The following NDUFA13 variants were observed in gnomAD, a reference collection of about 807,000 sequenced individuals.
NDUFA13 encodes the protein NADH:ubiquinone oxidoreductase subunit A13.
NDUFA13 carries 16 observed loss-of-function variants against 17.0 expected under a neutral mutation model. That is an observed-to-expected ratio of 0.94 (90% CI 0.64 to 1.43). The LOEUF is 1.43. Ranked by LOEUF, NDUFA13 falls within the 40% of genes most tolerant of loss-of-function variation. The pLI is 0.00. For synonymous variants in NDUFA13, 87 were observed against 78.4 expected, an observed-to-expected ratio of 1.11 and a Z score of -0.58; for missense variants, 228 against 206.7, an observed-to-expected ratio of 1.10 and a Z score of -0.63.
chr19:19,516,627 A>G (rs1038539284), intron 1 of NDUFA13, among the ~76,000 whole-genome samples: 1 of 152,226 alleles, frequency 6.6e-6, no homozygotes, highest in Non-Finnish European at 1.5e-5. Flanking sequence ...TTGGATTTCT[A>G]AGATGGGGAA....
chr19:19,519,606 A>G (rs568807059), intron 1 of NDUFA13, among the ~76,000 whole-genome samples: 2 of 152,296 alleles, frequency 1.3e-5, no homozygotes, highest in South Asian at 4.1e-4. Context: ...CCTGTCCCCA[A>G]GCGCTCACAG....
rs546808333 is a variant in NDUFA13, at chr19:19,527,349, G to T, written c.242G>T (p.Arg81Leu). 1.2e-6 allele frequency: 2 copies of T among 1,613,694 alleles called. No homozygotes were observed. The highest frequency in any genetic ancestry group is 1.3e-5 in the African/African-American group (1 of 74,942). ...CCACTGTTACAGGCAGAAACCGACC[G>T]GAGGTAGCACCGCAGGGGCCAAGGT... is the stretch of plus-strand genomic sequence containing the variant. ...LLPLLQAETD[R>L]RTLQMLRENL... Residue 81 changes from arginine to leucine, a missense_variant, in exon 3 of 5, where the codon CGG becomes CTG. Coordinates refer to ENST00000507754, the MANE Select transcript of NDUFA13 (RefSeq NM_015965.7).
At position 19,519,782 on chromosome 19, in the gene NDUFA13, C is replaced by T. The variant is rs73532149; in HGVS notation, c.94+3450C>T. 7.0e-3 allele frequency among the ~76,000 whole-genome samples: 1,064 copies of T among 152,162 alleles called. 11 individuals are homozygous for T. Among genetic ancestry groups the T allele is most frequent in the African/African-American group, 0.024 (978 of 41,536 alleles). Reference sequence around the variant, plus strand: ...CAGGCCCTGCCTCCTCTCCCTCTGTCCTCCTCTCCTGCCTCTCCTGAGCCA... The same window carrying T: ...CAGGCCCTGCCTCCTCTCCCTCTGTTCTCCTCTCCTGCCTCTCCTGAGCCA... On this transcript the variant is annotated intron_variant, in intron 1 of 4. Transcript: ENST00000507754.
intron 1 of NDUFA13, among the ~76,000 whole-genome samples, chr19:19,517,476 T>G (rs950470676): frequency 2.0e-5 from 3 of 152,096 alleles, no homozygotes; most frequent in Non-Finnish European, 2.9e-5. Flanking sequence ...CTTCCCAAAG[T>G]GATGGGACTA....
rs45631653 is a variant in NDUFA13 at position 19,516,237 on chromosome 19, G to A, written c.-2G>A. 1.2e-6 allele frequency: 2 copies of A among 1,614,154 alleles called. No individual in the cohort carries two copies. The highest frequency in any genetic ancestry group is 1.1e-5 in the South Asian group (1 of 91,086). Reference sequence around the variant, plus strand: ...GGACCGGAAGTGTGGGATACTGCGAGTATGGCGGCGTCAAAGGTGAAGCAG... The same window carrying A: ...GGACCGGAAGTGTGGGATACTGCGAATATGGCGGCGTCAAAGGTGAAGCAG... On this transcript the variant is annotated 5_prime_UTR_variant, in exon 1 of 5. Transcript: ENST00000507754.
intron 1 of NDUFA13, among the ~76,000 whole-genome samples, chr19:19,518,969 C>A (rs529267421): frequency 7.3e-5 from 11 of 151,582 alleles, no homozygotes; most frequent in Non-Finnish European, 1.3e-4. Context: ...GTCTCAAACT[C>A]CTGACCTCAG....
rs1197065682 is a variant in NDUFA13 at position 19,527,762 on chromosome 19, G to A, written c.307G>A (p.Asp103Asn). The A allele has an allele frequency of 2.6e-6, 4 of 1,552,714 alleles. No individual in the cohort carries two copies. The highest frequency in any genetic ancestry group is 2.4e-5 in the East Asian group (1 of 41,172). The change falls in exon 4 of 5, where the codon GAC becomes AAC. Residue 103 changes from aspartate to asparagine, a missense_variant. Transcript: ENST00000507754. ...GGCCATCATCATGAAGGACGTGCCCGACTGGAAGGTGGGTCCCGGCTGGGA... is the reference window on the plus strand; with the variant it reads ...GGCCATCATCATGAAGGACGTGCCCAACTGGAAGGTGGGTCCCGGCTGGGA... ...EEAIIMKDVPDWKVGESVFHT... is the reference protein window; with the variant it reads ...EEAIIMKDVPNWKVGESVFHT...
At chr19:19,520,169 C>T (rs190168310) in intron 1 of NDUFA13, among the ~76,000 whole-genome samples, 3 of 152,054 alleles carry the variant, frequency 2.0e-5, no homozygotes, top group East Asian at 1.9e-4. Flanking sequence ...TAATCCATGC[C>T]GCTTCTGAAG....
chr19:19,527,162 G>T, intron 2 of NDUFA13, 119 bp from the exon 3 acceptor site: 181 of 836,582 alleles, frequency 2.2e-4, no homozygotes, highest in South Asian at 1.0e-3. Context: ...CCCCCTGCCT[G>T]CCTCCCCGCC....
intron 1 of NDUFA13, among the ~76,000 whole-genome samples, chr19:19,516,897 C>T (rs574383945): frequency 6.6e-6 from 1 of 152,260 alleles, no homozygotes; most frequent in East Asian, 1.9e-4. Flanking sequence ...AAGCGATTCT[C>T]TTGCCTCAGC....
chr19:19,523,466 G>T (rs115861149), intron 1 of NDUFA13, among the ~76,000 whole-genome samples: 333 of 151,582 alleles, frequency 2.2e-3, no homozygotes, highest in African/African-American at 7.0e-3. Flanking sequence ...TTTGTTTTTG[G>T]TTTTGTTTTC....
chr19:19,520,585 T>C (rs1056441344), intron 1 of NDUFA13, among the ~76,000 whole-genome samples: 1 of 152,160 alleles, frequency 6.6e-6, no homozygotes, highest in Non-Finnish European at 1.5e-5. Flanking sequence ...AGCCAAGATC[T>C]TGCCTCTGCA....
chr19:19,527,667 G>A, intron 3 of NDUFA13, 34 bp from the exon 4 acceptor site: 5 of 1,530,338 alleles, frequency 3.3e-6, no homozygotes, highest in South Asian at 1.2e-5. Flanking sequence ...AGGGCACTGA[G>A]GCCCCACCCC....
intron 1 of NDUFA13, among the ~76,000 whole-genome samples, chr19:19,524,700 G>A (rs1320094660): frequency 6.6e-6 from 1 of 152,112 alleles, no homozygotes; most frequent in African/African-American, 2.4e-5. Context: ...CAACTACTCC[G>A]GAGGCTGAGG....
intron 2 of NDUFA13, 119 bp from the exon 3 acceptor site, chr19:19,527,162 G>GCCACCCCCCCCCCCACCCCCC: frequency 1.2e-6 from 1 of 837,466 alleles, no homozygotes; most frequent in South Asian, 1.8e-5. Context: ...CCCCCTGCCT[G>GCCACCCCCCCCCCCACCCCCC]CCTCCCCGCC....
chr19:19,516,955 CTT>C (rs1373704655), intron 1 of NDUFA13, among the ~76,000 whole-genome samples: 1 of 151,848 alleles, frequency 6.6e-6, no homozygotes, highest in Non-Finnish European at 1.5e-5. Context: ...GCCTGGCTAA[CTT>C]TGTGTTTTTA....
At chr19:19,517,128 T>C (rs980637143) in intron 1 of NDUFA13, among the ~76,000 whole-genome samples, 2 of 152,148 alleles carry the variant, frequency 1.3e-5, no homozygotes, top group African/African-American at 2.4e-5. Context: ...AATTTTGTTA[T>C]CGGGCTCAGC....
intron 1 of NDUFA13, among the ~76,000 whole-genome samples, chr19:19,518,048 G>A (rs552486832): frequency 4.2e-4 from 63 of 150,996 alleles, no homozygotes; most frequent in African/African-American, 1.4e-3. Flanking sequence ...AGGCTGAAGC[G>A]GGAGGATGGC....
In NDUFA13 at chr19:19,528,012, G is replaced by A; in HGVS notation, c.321G>A (p.Gly107=). The A allele has an allele frequency of 6.2e-7, 1 of 1,612,768 alleles. No homozygotes were observed. The highest frequency in any genetic ancestry group is 8.5e-7 in the Non-Finnish European group (1 of 1,179,968). Residue 107 remains glycine, a synonymous_variant, in exon 5 of 5, where the codon GGG becomes GGA. Transcript: ENST00000507754. The part of the protein sequence containing the change: ...IMKDVPDWKV[G]ESVFHTTRWV... Reference sequence around the variant, plus strand: ...ATACCCCACTGTCCCCACAGGTGGGGGAGTCTGTGTTCCACACAACCCGCT... The same window carrying A: ...ATACCCCACTGTCCCCACAGGTGGGAGAGTCTGTGTTCCACACAACCCGCT...
Sources: gnomAD v4.1 joint callset for allele counts (sites outside exome capture counted in the v4.1 genomes callset) on GRCh38, gnomAD v4.1.1 for gene constraint, MANE v1.5 for transcripts, NCBI Gene and HGNC (gene_info 2026-07-23, HGNC 2026-07-21) for gene names.